FREM2: variants seen among roughly 807,000 people sequenced by gnomAD.
FREM2 encodes the protein FRAS1-related extracellular matrix protein 2.
Under a neutral mutation model 219.9 loss-of-function variants are expected in FREM2, and 119 were observed. The observed-to-expected ratio is 0.54, with a 90% CI of 0.47 to 0.63. FREM2 has a LOEUF of 0.63. FREM2 is among the 30% of genes least tolerant of loss of function. The pLI is 0.00. For missense variants in FREM2, 4,030 were observed against 3,993.6 expected (o/e 1.01, Z -0.25); for synonymous variants, 1,562 against 1,522.8 (o/e 1.03, Z -0.60).
rs1301741321 is a variant in FREM2 at position 38,690,870 on chromosome 13, A to T, written c.3526A>T (p.Arg1176Ter). ...RCSDGINFSERQFFPIVIIPT... is the reference protein window; with the variant it reads ...RCSDGINFSE The stretch of plus-strand genomic sequence containing the variant: ...TTCTGATGGCATTAACTTTTCAGAG[A>T]GACAGTTCTTCCCCATTGTAATCAT... The change falls in exon 1 of 24, where the codon AGA (arginine) becomes TGA (stop). Residue 1176 changes from arginine (R) to a stop codon, truncating the protein, a stop_gained. Transcript: ENST00000280481. LOFTEE classifies it high-confidence loss of function. 6.2e-7 allele frequency: 1 copy of T among 1,614,014 alleles called. No homozygotes were observed. The highest frequency in any genetic ancestry group is 1.3e-5 in the African/African-American group (1 of 74,910).
At chr13:38,732,282 A>G (rs1871796565) in intron 2 of FREM2, among the ~76,000 whole-genome samples, 1 of 152,236 alleles carries the variant, frequency 6.6e-6, no homozygotes, top group Non-Finnish European at 1.5e-5. Context: ...GAACGTGTCA[A>G]TTCAGGTTTC....
At chr13:38,702,159 A>C (rs1038415142) in intron 2 of FREM2, among the ~76,000 whole-genome samples, 3 of 152,130 alleles carry the variant, frequency 2.0e-5, no homozygotes, top group African/African-American at 7.2e-5. Flanking sequence ...TTTTTAGTGA[A>C]GCTTTCACAT....
intron 2 of FREM2, among the ~76,000 whole-genome samples, chr13:38,754,903 T>TTATTATTATTAG (rs1566129758): frequency 6.7e-6 from 1 of 148,738 alleles, no homozygotes; most frequent in Non-Finnish European, 1.5e-5. Context: ...ATGATGATGA[T>TTATTATTATTAG]TATTATTATT....
chr13:38,761,096 G>T (rs1189151711), intron 2 of FREM2, among the ~76,000 whole-genome samples: 1 of 152,086 alleles, frequency 6.6e-6, no homozygotes, highest in African/African-American at 2.4e-5. Context: ...AGAGGAATAG[G>T]GATTCCCAGG....
At chr13:38,709,329 G>T (rs536991670) in intron 2 of FREM2, among the ~76,000 whole-genome samples, 1 of 151,996 alleles carries the variant, frequency 6.6e-6, no homozygotes, top group Non-Finnish European at 1.5e-5. Flanking sequence ...CTCATATTTG[G>T]ATCTCAAAGC....
chr13:38,885,673 T>G lies in FREM2; in HGVS notation c.*4886T>G, dbSNP rs1878701903. The G allele has an allele frequency of 6.6e-6, 1 of 152,166 alleles. No individual in the cohort carries two copies. The highest frequency in any genetic ancestry group is 1.5e-5 in the Non-Finnish European group (1 of 68,014). The allele number at this position is 152,166 out of a possible 1,614,324, so 9.4% of individuals were successfully genotyped here. ...CACAGCATTTGTGCAGTATCCCTTC[T>G]GTGTAAAATGTTAAGGCTTTCAGAT... On this transcript the variant is annotated 3_prime_UTR_variant, in exon 24 of 24. Transcript: ENST00000280481.
chr13:38,711,954 C>T (rs1322488374), intron 2 of FREM2, among the ~76,000 whole-genome samples: 6 of 131,924 alleles, frequency 4.5e-5, no homozygotes, highest in African/African-American at 1.9e-4. Flanking sequence ...GATTCTCGCT[C>T]TGTTGCCCAG....
rs755021776 is a variant in FREM2 at position 38,880,544 on chromosome 13, T to C, written c.9267T>C (p.His3089=). Residue 3089 remains histidine (H), a synonymous_variant, in exon 24 of 24, where the codon CAT becomes CAC. Transcript: ENST00000280481. The part of the protein sequence containing the change: ...ALDRTKRQIP[H]GRAPPDGILP... ...ACCGCACCAAGAGGCAGATCCCCCA[T>C]GGGAGAGCACCTCCAGATGGCATCC... The C allele has an allele frequency of 9.9e-6, 16 of 1,614,028 alleles. No homozygotes were observed. The highest frequency in any genetic ancestry group is 1.7e-5 in the Admixed American group (1 of 60,002).
chr13:38,784,478 T>C (rs2137831287), intron 5 of FREM2, 79 bp from the exon 6 acceptor site: 1 of 1,501,746 alleles, frequency 6.7e-7, no homozygotes, highest in Non-Finnish European at 9.2e-7. Flanking sequence ...TAAAATGCTG[T>C]GTATGAAAAT....
At chr13:38,815,758 C>T (rs1875740513) in intron 6 of FREM2, among the ~76,000 whole-genome samples, 1 of 152,120 alleles carries the variant, frequency 6.6e-6, no homozygotes, top group Non-Finnish European at 1.5e-5. Flanking sequence ...CCAGAAGGTG[C>T]AAGATCCCAT....
At chr13:38,765,407 T>C (rs915157475) in intron 3 of FREM2, among the ~76,000 whole-genome samples, 3 of 152,170 alleles carry the variant, frequency 2.0e-5, no homozygotes, top group Non-Finnish European at 2.9e-5. Context: ...TAAAAAGAGA[T>C]TTCATTGAGT....
At chr13:38,773,213 A>G (rs1317914293) in intron 4 of FREM2, among the ~76,000 whole-genome samples, 1 of 152,036 alleles carries the variant, frequency 6.6e-6, no homozygotes, top group Non-Finnish European at 1.5e-5. Flanking sequence ...TATTTCTTTA[A>G]CCTGGTCCAA....
rs1346254063 is a variant in FREM2, at chr13:38,689,707, C to T, written c.2363C>T (p.Pro788Leu). The stretch of plus-strand genomic sequence containing the variant: ...AACCATCATAAAATTGCTTACAGAC[C>T]CCCGGGTCAAGAACTGGGCGTGGCT... ...QINHHKIAYR[P>L]PGQELGVATR... Residue 788 changes from proline to leucine, a missense_variant, in exon 1 of 24, where the codon CCC becomes CTC. Pro to Leu is a moderately conservative substitution (Grantham distance 98, BLOSUM62 -3). Coordinates refer to ENST00000280481, the MANE Select transcript of FREM2 (RefSeq NM_207361.6). 2 of 1,613,766 alleles carry T rather than the reference C, an allele frequency of 1.2e-6. No individual in the cohort carries two copies. Among genetic ancestry groups the T allele is most frequent in the East Asian group, 2.2e-5 (1 of 44,878 alleles).
chr13:38,690,393 A>C lies in FREM2; in HGVS notation c.3049A>C (p.Thr1017Pro). 5 of 1,614,016 alleles carry C rather than the reference A, an allele frequency of 3.1e-6. No individual in the cohort carries two copies. The highest frequency in any genetic ancestry group is 4.2e-6 in the Non-Finnish European group (5 of 1,179,978). ...RDILEGSVVY[T>P]HTSGEIGLLP... ...CATCTTGGAGGGCTCTGTTGTATAT[A>C]CCCACACCAGTGGTGAGATAGGCCT... The change falls in exon 1 of 24, where the codon ACC becomes CCC. Residue 1017 changes from threonine (T) to proline (P), a missense_variant. Around this residue, in one of 2 missense-constraint regions of FREM2, gnomAD observed 3,102 missense variants for 2,950.7 expected, o/e 1.05. Transcript: ENST00000280481.
intron 6 of FREM2, among the ~76,000 whole-genome samples, chr13:38,792,884 A>G (rs900365995): frequency 2.0e-5 from 3 of 152,232 alleles, no homozygotes; most frequent in African/African-American, 7.2e-5. Context: ...CCTGAAATCA[A>G]ATGATTAAGT....
At chr13:38,729,784 C>A (rs984642976) in intron 2 of FREM2, among the ~76,000 whole-genome samples, 1 of 152,080 alleles carries the variant, frequency 6.6e-6, no homozygotes, top group Non-Finnish European at 1.5e-5. Flanking sequence ...TTCTAAGGTG[C>A]ATAATTAGAG....
In FREM2 at chr13:38,859,315, A is replaced by G. The variant is rs779898321; in HGVS notation, c.7244A>G (p.Asp2415Gly). ...TACNPKYSDY[D>G]KTGSICASEN... ...TGCAACCCCAAATATTCAGACTACG[A>G]TAAAACAGGCTCTATCTGTGCAAGT... Residue 2415 changes from aspartate to glycine, a missense_variant, in exon 14 of 24, where the codon GAT becomes GGT. Asp to Gly is a moderately conservative substitution (Grantham distance 94). Around this residue, in one of 2 missense-constraint regions of FREM2, gnomAD observed 928 missense variants for 1,042.9 expected, o/e 0.89. Coordinates refer to ENST00000280481, the MANE Select transcript of FREM2 (RefSeq NM_207361.6). 3 of 1,614,066 alleles carry G rather than the reference A, an allele frequency of 1.9e-6. No homozygotes were observed. Among genetic ancestry groups the G allele is most frequent in the African/African-American group, 1.3e-5 (1 of 74,926 alleles).
chr13:38,733,511 A>G (rs536316180), intron 2 of FREM2, among the ~76,000 whole-genome samples: 1 of 152,278 alleles, frequency 6.6e-6, no homozygotes, highest in South Asian at 2.1e-4. Flanking sequence ...GTTGGTTGCA[A>G]CTTACCCACC....
rs746802305 is a variant in FREM2, at chr13:38,691,752, G to A, written c.4408G>A (p.Glu1470Lys). ...ITRAPMRGHL[E>K]CTDQPGVSIT... The stretch of plus-strand genomic sequence containing the variant: ...CAGGGCTCCCATGCGAGGTCACCTG[G>A]AATGCACGGATCAGCCTGGTGTGTC... Residue 1470 changes from glutamate (E) to lysine (K), a missense_variant, in exon 1 of 24, where the codon GAA (glutamate) becomes AAA (lysine). Coordinates refer to ENST00000280481, the MANE Select transcript of FREM2 (RefSeq NM_207361.6). 1.2e-6 allele frequency: 2 copies of A among 1,614,104 alleles called. No homozygotes were observed. Among genetic ancestry groups the A allele is most frequent in the South Asian group, 2.2e-5 (2 of 91,074 alleles).
Sources: allele counts gnomAD v4.1 joint callset (sites outside exome capture counted in the v4.1 genomes callset), GRCh38; gene constraint gnomAD v4.1.1; regional missense constraint gnomAD v4.1.1; transcripts MANE v1.5; gene names NCBI Gene and HGNC (gene_info 2026-07-23, HGNC 2026-07-21).